PLEKHG3: variants seen among roughly 807,000 people sequenced by gnomAD.
PLEKHG3 encodes pleckstrin homology domain-containing family G member 3.
Under a neutral mutation model 94.9 loss-of-function variants are expected in PLEKHG3, and 62 were observed. The ratio of observed to expected loss-of-function variants is 0.65; its 90% confidence interval spans 0.53 to 0.81. The LOEUF is 0.81. Among genes scored for constraint, PLEKHG3 ranks in the 30% least tolerant of loss-of-function variants. PLEKHG3 has a pLI of 0.00. For synonymous variants in PLEKHG3, 614 were observed against 654.0 expected (o/e 0.94, Z 0.93); for missense variants, 1,461 against 1,619.3 (o/e 0.90, Z 1.68).
Position 64,741,622 on chromosome 14 carries a change from G to C in PLEKHG3, c.2105G>C (p.Cys702Ser). ...GCPVEPDRSS[C>S]KKKESALSTR... ...CCAGTGGAGCCTGACCGGTCTTCCT[G>C]CAAGAAGAAGGAATCAGCACTCTCC... The change falls in exon 16 of 17, where the codon TGC becomes TCC. Residue 702 changes from cysteine to serine, a missense_variant. By Grantham distance (112) the Cys-to-Ser change is moderately radical (BLOSUM62 -1). Around this residue, in one of 3 missense-constraint regions of PLEKHG3, gnomAD observed 1,201 missense variants for 1,295.5 expected, o/e 0.93. Coordinates refer to ENST00000247226, the MANE Select transcript of PLEKHG3 (RefSeq NM_001308147.2). 1.9e-6 allele frequency: 3 copies of C among 1,612,928 alleles called. No homozygotes were observed. Among genetic ancestry groups the C allele is most frequent in the African/African-American group, 2.7e-5 (2 of 75,062 alleles).
chr14:64,708,381 G>A (rs990335261), intron 1 of PLEKHG3, among the ~76,000 whole-genome samples: 1 of 152,176 alleles, frequency 6.6e-6, no homozygotes, highest in Non-Finnish European at 1.5e-5. Flanking sequence ...GGTAAATTAT[G>A]CCTGGAGGTC....
chr14:64,736,910 C>T lies in PLEKHG3; in HGVS notation c.1384+19C>T, dbSNP rs1475610683. 2 of 1,601,828 alleles carry T rather than the reference C, an allele frequency of 1.2e-6. No individual in the cohort carries two copies. Among genetic ancestry groups the T allele is most frequent in the Admixed American group, 1.7e-5 (1 of 60,000 alleles). ...GAGAAAGGTGAGTGTGTGAGGTGGC[C>T]AGCCATTCCCAGTGAGCGGGGGAGG... On this transcript the variant is annotated intron_variant, in intron 13 of 16. Transcript: ENST00000247226.
chr14:64,749,778 C>A lies in PLEKHG3; in HGVS notation c.*6075C>A. ...GAGGGCTGGCTCTGATCCCACAATA[C>A]CCTGAGCCGAACATCCAGACCCCTC... On this transcript the variant is annotated 3_prime_UTR_variant, in exon 17 of 17. Coordinates refer to ENST00000247226, the MANE Select transcript of PLEKHG3 (RefSeq NM_001308147.2). The surrounding 1 kb of genome is among the most constrained non-coding windows in gnomAD (Gnocchi z 4.7). The A allele has an allele frequency of 1.3e-6, 2 of 1,560,334 alleles. No individual in the cohort carries two copies. The highest frequency in any genetic ancestry group is 8.7e-7 in the Non-Finnish European group (1 of 1,143,528).
At chr14:64,713,602 T>C (rs1388512814) in intron 1 of PLEKHG3, among the ~76,000 whole-genome samples, 1 of 152,226 alleles carries the variant, frequency 6.6e-6, no homozygotes, top group Non-Finnish European at 1.5e-5. Context: ...AGATATTTTT[T>C]GTCTTTGGTG....
intron 1 of PLEKHG3, among the ~76,000 whole-genome samples, chr14:64,719,736 A>G (rs1304711255): frequency 2.0e-5 from 3 of 151,856 alleles, no homozygotes; most frequent in African/African-American, 7.3e-5. Flanking sequence ...AGTAAAATGC[A>G]GCTTCCTCCT....
rs773942858 is a variant in PLEKHG3, at chr14:64,738,604, C to T, written c.1405-138C>T. ...CCAGGCCTGGCAGTTCAGGTTGGCT[C>T]TGGAATGGCTCAGGTCCAAGACTGG... On this transcript the variant is annotated intron_variant, in intron 14 of 16. Coordinates refer to ENST00000247226, the MANE Select transcript of PLEKHG3 (RefSeq NM_001308147.2). This position sits in a 1 kb window ranked among gnomAD's most constrained non-coding sequence, Gnocchi z 4.8. 2 of 672,576 alleles carry T rather than the reference C, an allele frequency of 3.0e-6. No individual in the cohort carries two copies. Among genetic ancestry groups the T allele is most frequent in the Admixed American group, 2.7e-5 (1 of 36,830 alleles). The allele number at this position is 672,576 out of a possible 1,614,324, so 41.7% of individuals were successfully genotyped here.
intron 14 of PLEKHG3, 38 bp downstream of exon 14, chr14:64,737,413 G>T: frequency 6.6e-7 from 1 of 1,524,344 alleles, no homozygotes. Context: ...GCTGACAGAG[G>T]AGGGTGGGAC....
At position 64,732,589 on chromosome 14, in the gene PLEKHG3, G is replaced by C. The variant is rs185811361; in HGVS notation, c.1246+129G>C. The C allele has an allele frequency of 1.2e-5, 10 of 856,204 alleles. No homozygotes were observed. The highest frequency in any genetic ancestry group is 2.0e-5 in the Non-Finnish European group (10 of 503,266). 53.0% of individuals were successfully genotyped at this position (856,204 alleles called of 1,614,324 possible). On this transcript the variant is annotated intron_variant, in intron 11 of 16. Coordinates refer to ENST00000247226, the MANE Select transcript of PLEKHG3 (RefSeq NM_001308147.2). This position sits in a 1 kb window ranked among gnomAD's most constrained non-coding sequence, Gnocchi z 4.9. ...GGAGGGCGGGGGTCTCCTGTTAAGG[G>C]CTGGGGGGTGAACTACATGATTAAG...
rs868831486 is a variant in PLEKHG3, at chr14:64,716,550, C to A, written c.-39-11043C>A. ...ACACACACACACACACACACACACA[C>A]AAAGCAGAGTTAATCTCCCACTTCT... On this transcript the variant is annotated intron_variant, in intron 1 of 16. Transcript: ENST00000247226. This position sits in a 1 kb window ranked among gnomAD's most constrained non-coding sequence, Gnocchi z 5.0. Among the ~76,000 whole-genome samples, 2 of 142,734 alleles carry A rather than the reference C, an allele frequency of 1.4e-5. No individual in the cohort carries two copies. The highest frequency in any genetic ancestry group is 4.5e-4 in the South Asian group (2 of 4,452). The allele number at this position is 142,734 out of a possible 152,430, so 93.6% of individuals were successfully genotyped here.
rs183175619 is a variant in PLEKHG3 at position 64,715,663 on chromosome 14, G to C, written c.-40+10959G>C. 24 of 221,010 alleles carry C rather than the reference G, an allele frequency of 1.1e-4. No homozygotes were observed. In the East Asian group the frequency reaches 3.9e-3, roughly 36 times the overall value. The allele number at this position is 221,010 out of a possible 1,614,324, so 13.7% of individuals were successfully genotyped here. ...GCATTGTTGTGCTGGTGAATGATCTGGCTTTGTTCTGAAGTCTTCAGTATT... is the reference window on the plus strand; with the variant it reads ...GCATTGTTGTGCTGGTGAATGATCTCGCTTTGTTCTGAAGTCTTCAGTATT... On this transcript the variant is annotated intron_variant, in intron 1 of 16. Coordinates refer to ENST00000247226, the MANE Select transcript of PLEKHG3 (RefSeq NM_001308147.2). The surrounding 1 kb of genome is among the most constrained non-coding windows in gnomAD (Gnocchi z 4.4).
Position 64,749,308 on chromosome 14 carries a change from A to G in PLEKHG3, c.*5605A>G, listed in dbSNP as rs768297594. The G allele has an allele frequency of 8.1e-6, 13 of 1,600,482 alleles. No homozygotes were observed. The highest frequency in any genetic ancestry group is 6.7e-5 in the South Asian group (6 of 89,662). On this transcript the variant is annotated 3_prime_UTR_variant, in exon 17 of 17. Transcript: ENST00000247226. This position sits in a 1 kb window ranked among gnomAD's most constrained non-coding sequence, Gnocchi z 4.7. Reference sequence around the variant, plus strand: ...GCCGCGCCCGCCAGCCCCACCTGCTACTTCTTTTTGGGGAAGAAGCTGAAT... The same window carrying G: ...GCCGCGCCCGCCAGCCCCACCTGCTGCTTCTTTTTGGGGAAGAAGCTGAAT...
intron 1 of PLEKHG3, among the ~76,000 whole-genome samples, chr14:64,719,811 C>T (rs535796179): frequency 1.3e-5 from 2 of 152,228 alleles, no homozygotes; most frequent in South Asian, 2.1e-4. Flanking sequence ...GGGATGAGGC[C>T]GGAAAGATGG....
Position 64,737,364 on chromosome 14 carries a change from G to C in PLEKHG3, c.1393G>C (p.Ala465Pro). The change falls in exon 14 of 17, where the codon GCA becomes CCA. Residue 465 changes from alanine (A) to proline (P), a missense_variant. Ala to Pro is a conservative substitution (Grantham distance 27). Around this residue, in one of 3 missense-constraint regions of PLEKHG3, gnomAD observed 1,201 missense variants for 1,295.5 expected, o/e 0.93. Coordinates refer to ENST00000247226, the MANE Select transcript of PLEKHG3 (RefSeq NM_001308147.2). ...LRQLNEKARA[A>P]GMKGKGRRES... ...GGTGGTGATGTCTGCAGCCCGAGCAGCAGGAATGAAGGTAAAGGCCAGTGG... is the reference window on the plus strand; with the variant it reads ...GGTGGTGATGTCTGCAGCCCGAGCACCAGGAATGAAGGTAAAGGCCAGTGG... 2.5e-6 allele frequency: 4 copies of C among 1,601,118 alleles called. No individual in the cohort carries two copies. The highest frequency in any genetic ancestry group is 3.4e-6 in the Non-Finnish European group (4 of 1,174,330).
At chr14:64,706,227 G>C (rs1499519) in intron 1 of PLEKHG3, among the ~76,000 whole-genome samples, 3,807 of 152,280 alleles carry the variant, frequency 0.025, 146 homozygotes, top group African/African-American at 0.086. Context: ...TGGTAGAGTT[G>C]AAGAGTGCGA....
rs906567571 is a variant in PLEKHG3, at chr14:64,749,131, C to T, written c.*5428C>T. ...GCGGGCGAGGGCATGGAGGGGGCGTCGGCCCAGGACACGCGGGCGAAGGCA... is the reference window on the plus strand; with the variant it reads ...GCGGGCGAGGGCATGGAGGGGGCGTTGGCCCAGGACACGCGGGCGAAGGCA... On this transcript the variant is annotated 3_prime_UTR_variant, in exon 17 of 17. Coordinates refer to ENST00000247226, the MANE Select transcript of PLEKHG3 (RefSeq NM_001308147.2). This position sits in a 1 kb window ranked among gnomAD's most constrained non-coding sequence, Gnocchi z 4.7. 6.0e-6 allele frequency: 4 copies of T among 666,342 alleles called. No homozygotes were observed. The highest frequency in any genetic ancestry group is 2.0e-5 in the South Asian group (1 of 51,250). The allele number at this position is 666,342 out of a possible 1,614,324, so 41.3% of individuals were successfully genotyped here.
chr14:64,727,493 A>ACCTTCCCCCCCCC lies in PLEKHG3; in HGVS notation c.-39-93_-39-92insCCCCCCCCTTCCC. ...CTGAACTCTGGATGCACTAAATAATACCTTCCCACCCCACCTGCCCCCACC... is the reference window on the plus strand; with the variant it reads ...CTGAACTCTGGATGCACTAAATAATACCTTCCCCCCCCCCCTTCCCACCCCACCTGCCCCCACC... On this transcript the variant is annotated intron_variant, in intron 1 of 16. Coordinates refer to ENST00000247226, the MANE Select transcript of PLEKHG3 (RefSeq NM_001308147.2). This position sits in a 1 kb window ranked among gnomAD's most constrained non-coding sequence, Gnocchi z 6.0. 1.7e-6 allele frequency: 1 copy of ACCTTCCCCCCCCC among 591,960 alleles called. No homozygotes were observed. Among genetic ancestry groups the ACCTTCCCCCCCCC allele is most frequent in the Non-Finnish European group, 3.0e-6 (1 of 329,172 alleles). 36.7% of individuals were successfully genotyped at this position (591,960 alleles called of 1,614,324 possible).
Position 64,727,509 on chromosome 14 carries a change from T to TTCCCC in PLEKHG3, c.-39-84_-39-83insTCCCC. 2 of 336,210 alleles carry TTCCCC rather than the reference T, an allele frequency of 5.9e-6. No individual in the cohort carries two copies. Among genetic ancestry groups the TTCCCC allele is most frequent in the Non-Finnish European group, 1.2e-5 (2 of 171,880 alleles). 20.8% of individuals were successfully genotyped at this position (336,210 alleles called of 1,614,324 possible). A position where few individuals can be genotyped will look rare whatever the true frequency, so the allele number is the denominator to read the frequency against. On this transcript the variant is annotated intron_variant, in intron 1 of 16. Transcript: ENST00000247226. The surrounding 1 kb of genome is among the most constrained non-coding windows in gnomAD (Gnocchi z 6.0). ...CTAAATAATACCTTCCCACCCCACC[T>TTCCCC]GCCCCCACCCCTGGCAACCGTCCCT...
At chr14:64,740,093 A>G (rs1272735315) in intron 15 of PLEKHG3, among the ~76,000 whole-genome samples, 1 of 151,994 alleles carries the variant, frequency 6.6e-6, no homozygotes. Context: ...CTTTTTTTAT[A>G]CAGAGTCTTT....
intron 15 of PLEKHG3, 26 bp from the exon 16 acceptor site, chr14:64,741,008 CAT>C (rs1259546663): frequency 1.3e-6 from 2 of 1,529,430 alleles, no homozygotes; most frequent in Non-Finnish European, 1.8e-6. Flanking sequence ...GCTTTTTACT[CAT>C]GTGAGCCTTT....
Sources: gnomAD v4.1 joint callset for allele counts (sites outside exome capture counted in the v4.1 genomes callset) on GRCh38, gnomAD v4.1.1 for gene constraint, gnomAD v4.1.1 regional missense constraint, Gnocchi (gnomAD v3.1) non-coding constraint, MANE v1.5 for transcripts, NCBI Gene and HGNC (gene_info 2026-07-23, HGNC 2026-07-21) for gene names.